Variants in GALNTL6 observed in about 807,000 individuals in gnomAD.
GALNTL6 encodes the protein polypeptide N-acetylgalactosaminyltransferase like 6, also known as polypeptide N-acetylgalactosaminyltransferase-like 6.
Under a neutral mutation model 73.7 loss-of-function variants are expected in GALNTL6, and 46 were observed. The observed-to-expected ratio is 0.62, with a 90% CI of 0.49 to 0.80. The LOEUF (loss-of-function observed/expected upper bound fraction) is 0.80. Among genes scored for constraint, GALNTL6 ranks in the 30% least tolerant of loss-of-function variants. The pLI, the probability that GALNTL6 is intolerant of heterozygous loss-of-function variation, is 0.00. For missense variants in GALNTL6, 604 were observed against 755.0 expected, an observed-to-expected ratio of 0.80 and a Z score of 2.34; for synonymous variants, 259 against 263.7, an observed-to-expected ratio of 0.98 and a Z score of 0.17.
intron 2 of GALNTL6, among the ~76,000 whole-genome samples, chr4:171,832,343 A>G (rs1395471326): frequency 6.6e-6 from 1 of 151,302 alleles, no homozygotes; most frequent in Non-Finnish European, 1.5e-5. Context: ...GGATATTCCT[A>G]TTTACAATTA....
At chr4:172,603,773 G>T (rs1272169310) in intron 5 of GALNTL6, among the ~76,000 whole-genome samples, 4 of 152,038 alleles carry the variant, frequency 2.6e-5, no homozygotes, top group Non-Finnish European at 5.9e-5. Context: ...TCCATGGCAG[G>T]CAGGTTAATC....
intron 5 of GALNTL6, among the ~76,000 whole-genome samples, chr4:172,586,537 A>G (rs1737417288): frequency 6.6e-6 from 1 of 151,994 alleles, no homozygotes; most frequent in East Asian, 1.9e-4. Flanking sequence ...AGAATTGCTA[A>G]GAAAATATCC....
chr4:171,958,377 GC>G (rs1169658011), intron 2 of GALNTL6, among the ~76,000 whole-genome samples: 2 of 152,088 alleles, frequency 1.3e-5, no homozygotes, highest in Non-Finnish European at 2.9e-5. Context: ...TGAAAACTAA[GC>G]TAATGCTTTC....
chr4:172,003,052 T>C (rs1298306916), intron 2 of GALNTL6, among the ~76,000 whole-genome samples: 2 of 152,272 alleles, frequency 1.3e-5, no homozygotes, highest in East Asian at 3.9e-4. Flanking sequence ...GGTGGTATTG[T>C]ACTTCTTCTC....
chr4:172,101,074 C>A (rs775135637), intron 2 of GALNTL6, among the ~76,000 whole-genome samples: 20 of 152,112 alleles, frequency 1.3e-4, no homozygotes, highest in Non-Finnish European at 2.5e-4. Context: ...CATTCTAACC[C>A]ATCTTCCTGG....
intron 2 of GALNTL6, among the ~76,000 whole-genome samples, chr4:171,865,972 T>G (rs2110886591): frequency 6.6e-6 from 1 of 152,290 alleles, no homozygotes; most frequent in South Asian, 2.1e-4. Context: ...GCCTCCCAAA[T>G]TATTATGAAG....
intron 2 of GALNTL6, among the ~76,000 whole-genome samples, chr4:172,032,788 A>G (rs1460743167): frequency 2.0e-5 from 3 of 152,048 alleles, no homozygotes; most frequent in East Asian, 3.9e-4. Context: ...CCAGCATAAT[A>G]TTAATGGTGA....
At chr4:172,475,141 A>T (rs1341484087) in intron 5 of GALNTL6, among the ~76,000 whole-genome samples, 1 of 152,226 alleles carries the variant, frequency 6.6e-6, no homozygotes, top group Non-Finnish European at 1.5e-5. Context: ...TAATAGAAAG[A>T]ATGTGTCACA....
At chr4:172,799,147 A>ACTAG (rs1272139462) in intron 5 of GALNTL6, among the ~76,000 whole-genome samples, 1 of 152,204 alleles carries the variant, frequency 6.6e-6, no homozygotes, top group Non-Finnish European at 1.5e-5. Flanking sequence ...CAGAGATCTC[A>ACTAG]ATAGTCACTA....
chr4:171,895,668 A>G (rs1341048889), intron 2 of GALNTL6, among the ~76,000 whole-genome samples: 2 of 152,218 alleles, frequency 1.3e-5, no homozygotes, highest in Non-Finnish European at 2.9e-5. Flanking sequence ...ACATAAGAGA[A>G]GCATGAATAA....
intron 2 of GALNTL6, among the ~76,000 whole-genome samples, chr4:171,982,946 A>G (rs1739949213): frequency 6.6e-6 from 1 of 152,166 alleles, no homozygotes; most frequent in African/African-American, 2.4e-5. Flanking sequence ...ATGTAGATTT[A>G]CTGAAGCTTA....
intron 2 of GALNTL6, among the ~76,000 whole-genome samples, chr4:172,006,292 AT>A (rs1412971674): frequency 6.6e-6 from 1 of 152,114 alleles, no homozygotes; most frequent in African/African-American, 2.4e-5. Flanking sequence ...GCCAATGGCC[AT>A]TCCTCTAAAG....
At chr4:172,875,768 C>CACAA (rs35272080) in intron 7 of GALNTL6, among the ~76,000 whole-genome samples, 1 of 148,896 alleles carries the variant, frequency 6.7e-6, no homozygotes, top group Non-Finnish European at 1.5e-5. Context: ...CACACACACA[C>CACAA]AAATAAGAAC....
intron 5 of GALNTL6, among the ~76,000 whole-genome samples, chr4:172,436,013 CT>C (rs34511518): frequency 6.6e-6 from 1 of 151,782 alleles, no homozygotes; most frequent in Non-Finnish European, 1.5e-5. Flanking sequence ...GCATCACACT[CT>C]TTAACAGGGC....
intron 5 of GALNTL6, among the ~76,000 whole-genome samples, chr4:172,555,433 A>G (rs1246436142): frequency 4.6e-5 from 7 of 152,090 alleles, no homozygotes; most frequent in Admixed American, 4.6e-4. Flanking sequence ...GTCTAATACA[A>G]TTGTTATCTC....
chr4:172,757,375 T>G (rs911272711), intron 5 of GALNTL6, among the ~76,000 whole-genome samples: 1 of 152,226 alleles, frequency 6.6e-6, no homozygotes, highest in Non-Finnish European at 1.5e-5. Flanking sequence ...TAATGTACTA[T>G]GGTACTGCCC....
intron 5 of GALNTL6, among the ~76,000 whole-genome samples, chr4:172,733,437 G>A (rs868173768): frequency 5.3e-5 from 8 of 152,178 alleles, no homozygotes; most frequent in Non-Finnish European, 5.9e-5. Flanking sequence ...CCGAAATCTC[G>A]TCTTGAATTG....
chr4:172,131,422 TATATATAC>T (rs927962275), intron 2 of GALNTL6, among the ~76,000 whole-genome samples: 1 of 99,604 alleles, frequency 1.0e-5, no homozygotes, highest in African/African-American at 3.9e-5. Context: ...TATATATATA[TATATATAC>T]ACACACACAC....
intron 2 of GALNTL6, among the ~76,000 whole-genome samples, chr4:172,006,876 T>A (rs6827012): frequency 0.94 from 142,325 of 152,086 alleles, 66,891 homozygotes; most frequent in East Asian, 1. Flanking sequence ...CTCAGTTATC[T>A]ACAAAAATGT....
Sources: gnomAD v4.1 joint callset for allele counts (sites outside exome capture counted in the v4.1 genomes callset) on GRCh38, gnomAD v4.1.1 for gene constraint, MANE v1.5 for transcripts, NCBI Gene and HGNC (gene_info 2026-07-23, HGNC 2026-07-21) for gene names.